RGMA: variants seen among roughly 807,000 people sequenced by gnomAD.
RGMA encodes the protein repulsive guidance molecule A.
A neutral mutation model predicts 23.2 loss-of-function variants in RGMA; 10 were observed. The ratio of observed to expected loss-of-function variants is 0.43; its 90% CI spans 0.27 to 0.73. RGMA has a LOEUF of 0.73. Among genes scored for constraint, RGMA ranks in the 30% least tolerant of loss-of-function variants. The pLI is 0.20. For missense variants in RGMA, 547 were observed against 630.5 expected (o/e 0.87, Z 1.42); for synonymous variants, 308 against 279.3 (o/e 1.10, Z -1.03).
intron 1 of RGMA, among the ~76,000 whole-genome samples, chr15:93,080,724 C>T (rs540194884): frequency 6.1e-4 from 93 of 152,276 alleles, no homozygotes; most frequent in African/African-American, 1.6e-3. Context: ...GGCCACCCTT[C>T]CGTGGTATTT....
At chr15:93,069,562 G>C (rs1895259943) in intron 2 of RGMA, among the ~76,000 whole-genome samples, 1 of 151,970 alleles carries the variant, frequency 6.6e-6, no homozygotes, top group Non-Finnish European at 1.5e-5. Context: ...CAAAGTATAA[G>C]GGGAAGAAAG....
chr15:93,069,173 G>A (rs546581627), intron 2 of RGMA, among the ~76,000 whole-genome samples: 29 of 152,154 alleles, frequency 1.9e-4, no homozygotes, highest in African/African-American at 6.7e-4. Context: ...ACAGTGGTGC[G>A]ATCTCAGCTC....
At chr15:93,069,622 C>G (rs560185518) in intron 2 of RGMA, among the ~76,000 whole-genome samples, 3 of 152,214 alleles carry the variant, frequency 2.0e-5, no homozygotes, top group Non-Finnish European at 2.9e-5. Context: ...CAGCGATCCT[C>G]AAACTTGAGC....
At chr15:93,065,984 C>A (rs1015127852) in intron 2 of RGMA, 20 of 1,166,948 alleles carry the variant, frequency 1.7e-5, no homozygotes, top group Non-Finnish European at 2.2e-5. Flanking sequence ...GGCCGCTGCG[C>A]GGAGTCTTTG....
rs1055239186 is a variant in RGMA, at chr15:93,041,928, G to C, written c.*3070C>G. ...GCCTGTAATCCCAACACTTTGGGAG[G>C]CCAAGGCAGGCGGATCACGAGGTCA... On this transcript the variant is annotated 3_prime_UTR_variant, in exon 4 of 4. Coordinates refer to ENST00000329082, the MANE Select transcript of RGMA (RefSeq NM_020211.3). 15 of 152,356 alleles carry C rather than the reference G, an allele frequency of 9.8e-5. No individual in the cohort carries two copies. Among genetic ancestry groups the C allele is most frequent in the African/African-American group, 3.6e-4 (15 of 41,466 alleles). The allele number at this position is 152,356 out of a possible 1,614,324, so 9.4% of individuals were successfully genotyped here. A position where few individuals can be genotyped will look rare whatever the true frequency, so the allele number is the denominator to read the frequency against.
chr15:93,062,023 C>T (rs1020940078), intron 2 of RGMA, among the ~76,000 whole-genome samples: 5 of 151,730 alleles, frequency 3.3e-5, no homozygotes, highest in Non-Finnish European at 5.9e-5. Flanking sequence ...ATAAATTACC[C>T]GCGTGCAAAG....
chr15:93,048,709 A>G (rs559690427), intron 3 of RGMA, among the ~76,000 whole-genome samples: 3 of 152,156 alleles, frequency 2.0e-5, no homozygotes, highest in South Asian at 4.2e-4. Context: ...GGAAACGGCA[A>G]CTTCATACGG....
At chr15:93,055,629 G>A (rs1024975440) in intron 2 of RGMA, among the ~76,000 whole-genome samples, 2 of 152,162 alleles carry the variant, frequency 1.3e-5, no homozygotes, top group African/African-American at 2.4e-5. Flanking sequence ...CTCCCCCACG[G>A]GTGGGCTCCA....
Position 93,037,260 on chromosome 15 carries a change from AC to A in RGMA, c.*7737del, listed in dbSNP as rs1219379412. 1 of 152,092 alleles carries A rather than the reference AC, an allele frequency of 6.6e-6. No homozygotes were observed. Among genetic ancestry groups the A allele is most frequent in the Admixed American group, 6.5e-5 (1 of 15,276 alleles). The allele number at this position is 152,092 out of a possible 1,614,324, so 9.4% of individuals were successfully genotyped here. On this transcript the variant is annotated 3_prime_UTR_variant, in exon 4 of 4. Coordinates refer to ENST00000329082, the MANE Select transcript of RGMA (RefSeq NM_020211.3). The surrounding 1 kb of genome is among the most constrained non-coding windows in gnomAD (Gnocchi z 4.3). ...TGAGGCTGCAAAACAAGGAAAACCC[AC>A]CCTTTTCATGCAGCCAGTAGGTGAC...
At chr15:93,059,736 C>T in intron 2 of RGMA, among the ~76,000 whole-genome samples, 1 of 152,198 alleles carries the variant, frequency 6.6e-6, no homozygotes, top group East Asian at 1.9e-4. Context: ...CAGCCCCCCA[C>T]CAGAGGTCAA....
In RGMA at chr15:93,073,018, C is replaced by G. The variant is rs1895385617; in HGVS notation, c.28G>C (p.Val10Leu). MQPPRERLV[V>L]TGRAGWMGMG... The stretch of plus-strand genomic sequence containing the variant: ...CCCATCCATCCAGCTCGGCCTGTTA[C>G]CACTAGCCTCTCCCTGGAAGAAGAG... Residue 10 changes from valine to leucine, a missense_variant, in exon 2 of 4, where the codon GTA (valine) becomes CTA (leucine). Coordinates refer to ENST00000329082, the MANE Select transcript of RGMA (RefSeq NM_020211.3). 1.9e-6 allele frequency: 3 copies of G among 1,605,760 alleles called. No homozygotes were observed. The highest frequency in any genetic ancestry group is 2.5e-6 in the Non-Finnish European group (3 of 1,176,558).
chr15:93,051,858 G>A (rs777171182), intron 3 of RGMA, 135 bp downstream of exon 3: 343 of 912,046 alleles, frequency 3.8e-4, no homozygotes, highest in Non-Finnish European at 4.9e-4. Context: ...TGCTCAGGGA[G>A]GGTGCTCCTG....
intron 1 of RGMA, among the ~76,000 whole-genome samples, chr15:93,084,579 TCTC>T (rs1895608502): frequency 6.6e-6 from 1 of 152,048 alleles, no homozygotes; most frequent in Non-Finnish European, 1.5e-5. Flanking sequence ...TTCAAGCGAC[TCTC>T]CTCTCTCAGC....
At chr15:93,084,795 A>T (rs1895612104) in intron 1 of RGMA, among the ~76,000 whole-genome samples, 1 of 152,172 alleles carries the variant, frequency 6.6e-6, no homozygotes, top group Admixed American at 6.5e-5. Context: ...TTGAATAGAC[A>T]ATCTGGAGAG....
chr15:93,070,106 G>T (rs1895276475), intron 2 of RGMA, among the ~76,000 whole-genome samples: 1 of 152,150 alleles, frequency 6.6e-6, no homozygotes, highest in Non-Finnish European at 1.5e-5. Context: ...TCATCACCAG[G>T]CTGTGGTCTG....
At chr15:93,079,219 T>A (rs936389218) in intron 1 of RGMA, among the ~76,000 whole-genome samples, 1 of 152,238 alleles carries the variant, frequency 6.6e-6, no homozygotes, top group Non-Finnish European at 1.5e-5. Context: ...TTTTTATTTC[T>A]TGTCTCTAAG....
chr15:93,063,472 G>C (rs1357995786), intron 2 of RGMA, among the ~76,000 whole-genome samples: 1 of 152,194 alleles, frequency 6.6e-6, no homozygotes, highest in Non-Finnish European at 1.5e-5. Flanking sequence ...CAGTATTCGG[G>C]AGTCTCTGAG....
intron 1 of RGMA, 179 bp from the exon 2 acceptor site, chr15:93,073,210 G>A: frequency 8.5e-7 from 1 of 1,179,040 alleles, no homozygotes; most frequent in African/African-American, 1.6e-5. Flanking sequence ...TCCATCACTC[G>A]GTTCTCCGCC....
At chr15:93,048,495 C>T (rs1312186694) in intron 3 of RGMA, among the ~76,000 whole-genome samples, 1 of 152,074 alleles carries the variant, frequency 6.6e-6, no homozygotes, top group African/African-American at 2.4e-5. Flanking sequence ...CCAGGAGGAC[C>T]CCAAGCGCAC....
Sources: gnomAD v4.1 joint callset for allele counts (sites outside exome capture counted in the v4.1 genomes callset) on GRCh38, gnomAD v4.1.1 for gene constraint, Gnocchi (gnomAD v3.1) non-coding constraint, MANE v1.5 for transcripts, NCBI Gene and HGNC (gene_info 2026-07-23, HGNC 2026-07-21) for gene names.